SKA2: variants seen among roughly 807,000 people sequenced by gnomAD.
The protein encoded by SKA2 is spindle and kinetochore-associated protein 2.
Under a neutral mutation model 16.9 loss-of-function variants are expected in SKA2, and 13 were observed. The ratio of observed to expected loss-of-function variants is 0.77; its 90% CI spans 0.50 to 1.22. The LOEUF is 1.22. SKA2 is among the 50% of genes most tolerant of loss of function. SKA2 has a pLI of 0.00. For synonymous variants in SKA2, 47 were observed against 48.5 expected (o/e 0.97, Z 0.13); for missense variants, 107 against 139.7 (o/e 0.77, Z 1.18).
At chr17:59,148,120 A>C (rs1225413940) in intron 1 of SKA2, among the ~76,000 whole-genome samples, 1 of 152,172 alleles carries the variant, frequency 6.6e-6, no homozygotes, top group Non-Finnish European at 1.5e-5. Context: ...GATTACAGGC[A>C]TAAGCCACCA....
At chr17:59,116,750 T>C (rs747177549) in intron 3 of SKA2, among the ~76,000 whole-genome samples, 5 of 150,860 alleles carry the variant, frequency 3.3e-5, no homozygotes, top group Non-Finnish European at 7.4e-5. Flanking sequence ...AAAGCCCCTT[T>C]AAAATAACCT....
chr17:59,118,486 AT>A (rs2046311361), intron 3 of SKA2, among the ~76,000 whole-genome samples: 1 of 152,170 alleles, frequency 6.6e-6, no homozygotes, highest in African/African-American at 2.4e-5. Context: ...ACTATACTTA[AT>A]CAGCTATTTG....
In SKA2 at chr17:59,145,622, G is replaced by T. The variant is rs534381579; in HGVS notation, c.33+9509C>A. On this transcript the variant is annotated intron_variant, in intron 1 of 3. Transcript: ENST00000330137. ...TGTGTACTTAATCACAGATACATTA[G>T]TCAACATATTTATCTGTGTCTCCCA... is the stretch of plus-strand genomic sequence containing the variant. 5.3e-5 allele frequency among the ~76,000 whole-genome samples: 8 copies of T among 152,096 alleles called. No homozygotes were observed. The East Asian group carries it at 1.5e-3, about 29-fold the overall frequency.
At chr17:59,148,879 T>C (rs1261093373) in intron 1 of SKA2, among the ~76,000 whole-genome samples, 3 of 140,444 alleles carry the variant, frequency 2.1e-5, no homozygotes, top group African/African-American at 5.3e-5. Context: ...AAAGAAGATA[T>C]ACAAACTACA....
intron 2 of SKA2, among the ~76,000 whole-genome samples, chr17:59,130,005 GAAA>G (rs929130035): frequency 7.8e-6 from 1 of 129,000 alleles, no homozygotes; most frequent in African/African-American, 2.9e-5. Context: ...AAGGAAGAGA[GAAA>G]AAGAGAGGGA....
chr17:59,141,490 C>T (rs977604468), intron 1 of SKA2, among the ~76,000 whole-genome samples: 23 of 152,020 alleles, frequency 1.5e-4, no homozygotes, highest in African/African-American at 5.3e-4. Flanking sequence ...CTTGGGGAGG[C>T]CGAGGCAGGT....
At chr17:59,150,568 C>G (rs182730456) in intron 1 of SKA2, among the ~76,000 whole-genome samples, 1 of 152,090 alleles carries the variant, frequency 6.6e-6, no homozygotes, top group East Asian at 1.9e-4. Context: ...GAGACCCTGT[C>G]TCCACAAAAA....
At chr17:59,132,371 T>A (rs1167903957) in intron 1 of SKA2, among the ~76,000 whole-genome samples, 10 of 135,520 alleles carry the variant, frequency 7.4e-5, no homozygotes, top group South Asian at 2.3e-4. Flanking sequence ...AAAAAAAAAA[T>A]AAGTATTTGG....
intron 2 of SKA2, among the ~76,000 whole-genome samples, chr17:59,124,714 A>C (rs569133437): frequency 1.3e-5 from 2 of 152,226 alleles, no homozygotes; most frequent in Non-Finnish European, 2.9e-5. Context: ...TATATAAAGC[A>C]TAAGAAATAA....
chr17:59,121,722 G>A (rs1442051114), intron 2 of SKA2, among the ~76,000 whole-genome samples: 5 of 149,542 alleles, frequency 3.3e-5, no homozygotes, highest in African/African-American at 9.9e-5. Context: ...GCCGAGGCGG[G>A]CGGATTGCCT....
Position 59,144,049 on chromosome 17 carries a change from G to A in SKA2, c.33+11082C>T, listed in dbSNP as rs59932887. On this transcript the variant is annotated intron_variant, in intron 1 of 3. Coordinates refer to ENST00000330137, the MANE Select transcript of SKA2 (RefSeq NM_182620.4). ...CATGCGCCTGTAGTCCCAGCTACTC[G>A]GGAGGCTGAGTCAGGAGAATCGCTT... 8.0e-3 allele frequency among the ~76,000 whole-genome samples: 1,217 copies of A among 152,066 alleles called. 6 individuals are homozygous for A. Among genetic ancestry groups the A allele is most frequent in the Middle Eastern group, 0.031 (9 of 294 alleles).
chr17:59,115,967 T>G (rs985897406), intron 3 of SKA2, among the ~76,000 whole-genome samples: 1 of 152,090 alleles, frequency 6.6e-6, no homozygotes, highest in African/African-American at 2.4e-5. Context: ...AATTTTCTAT[T>G]TATTATTATA....
intron 1 of SKA2, among the ~76,000 whole-genome samples, chr17:59,146,351 T>G (rs906737714): frequency 5.9e-5 from 9 of 151,960 alleles, no homozygotes; most frequent in African/African-American, 1.9e-4. Context: ...ATACAAAAAT[T>G]AGCTGGGCAT....
At position 59,131,575 on chromosome 17, in the gene SKA2, A is replaced by T. The variant is rs2093109426; in HGVS notation, c.34-208T>A. 2.0e-5 allele frequency among the ~76,000 whole-genome samples: 3 copies of T among 152,344 alleles called. No individual in the cohort carries two copies. In the South Asian group the frequency reaches 6.2e-4, roughly 32 times the overall value. On this transcript the variant is annotated intron_variant, in intron 1 of 3. Coordinates refer to ENST00000330137, the MANE Select transcript of SKA2 (RefSeq NM_182620.4). The stretch of plus-strand genomic sequence containing the variant: ...ATTTAAAAAGTAGTTAACATTTTAA[A>T]GTCATTCATTTCTCTATGCCTCTCT...
intron 2 of SKA2, among the ~76,000 whole-genome samples, chr17:59,130,334 G>C (rs749204971): frequency 6.6e-6 from 1 of 151,326 alleles, no homozygotes; most frequent in African/African-American, 2.4e-5. Flanking sequence ...AATATTGGTC[G>C]CACGTGGTGG....
intron 2 of SKA2, among the ~76,000 whole-genome samples, chr17:59,125,974 AT>A (rs2046369647): frequency 6.6e-6 from 1 of 151,866 alleles, no homozygotes; most frequent in Admixed American, 6.6e-5. Context: ...GATCGAGACC[AT>A]CCTGGCTAAC....
intron 1 of SKA2, among the ~76,000 whole-genome samples, chr17:59,143,632 C>T (rs576051103): frequency 6.6e-6 from 1 of 152,126 alleles, no homozygotes; most frequent in South Asian, 2.1e-4. Context: ...CCTCAGCCTC[C>T]AAAAGTGCTG....
chr17:59,116,717 C>G (rs2046298557), intron 3 of SKA2, among the ~76,000 whole-genome samples: 1 of 151,164 alleles, frequency 6.6e-6, no homozygotes, highest in Non-Finnish European at 1.5e-5. Context: ...TTTTCTTGTC[C>G]TTCTTGTTCC....
intron 2 of SKA2, among the ~76,000 whole-genome samples, chr17:59,126,087 C>T (rs886951738): frequency 6.6e-6 from 1 of 151,928 alleles, no homozygotes; most frequent in Admixed American, 6.6e-5. Flanking sequence ...AGGAGAATGG[C>T]GTGAACCCGG....
Sources: allele counts gnomAD v4.1 joint callset (sites outside exome capture counted in the v4.1 genomes callset), GRCh38; gene constraint gnomAD v4.1.1; transcripts MANE v1.5; gene names NCBI Gene and HGNC (gene_info 2026-07-23, HGNC 2026-07-21).